Variants in GRIA1 observed in about 807,000 individuals in gnomAD.
The protein encoded by GRIA1 is glutamate receptor 1.
In GRIA1, 31 loss-of-function variants were observed where a neutral mutation model predicts 99.2. The ratio of observed to expected loss-of-function variants is 0.31; its 90% CI spans 0.23 to 0.42. The LOEUF is 0.42. GRIA1 is among the 10% of genes least tolerant of loss of function. GRIA1 has a pLI of 1.00. For synonymous variants in GRIA1, 438 were observed against 432.4 expected (o/e 1.01, Z -0.16); for missense variants, 782 against 1,157.5 (o/e 0.68, Z 4.71).
intron 2 of GRIA1, among the ~76,000 whole-genome samples, chr5:153,533,798 C>T (rs1230928042): frequency 2.0e-5 from 3 of 152,152 alleles, no homozygotes; most frequent in South Asian, 2.1e-4. Flanking sequence ...ATATGAGTGC[C>T]GAGCATTCTT....
At chr5:153,613,345 C>G (rs1360967433) in intron 2 of GRIA1, among the ~76,000 whole-genome samples, 1 of 152,002 alleles carries the variant, frequency 6.6e-6, no homozygotes, top group African/African-American at 2.4e-5. Flanking sequence ...ATTTTTTCCC[C>G]TCTCTATCAT....
At chr5:153,494,188 C>A in intron 2 of GRIA1, 123 bp downstream of exon 2, 2 of 1,042,044 alleles carry the variant, frequency 1.9e-6, no homozygotes, top group Non-Finnish European at 2.8e-6. Context: ...TAAGAGAAAG[C>A]CCTCCAAGAA....
At chr5:153,705,662 A>AT (rs70978505) in intron 10 of GRIA1, 35 bp from the exon 11 acceptor site, 18,933 of 751,208 alleles carry the variant, frequency 0.025, 967 homozygotes, top group African/African-American at 0.046. Context: ...GCTCACCTGC[A>AT]TTTTTTTTTT....
chr5:153,791,460 T>C (rs1353950504), intron 13 of GRIA1, among the ~76,000 whole-genome samples: 1 of 151,778 alleles, frequency 6.6e-6, no homozygotes. Flanking sequence ...AAAGTAAAAG[T>C]TTAAAAAGGA....
At chr5:153,766,620 A>G (rs1349040025) in intron 12 of GRIA1, among the ~76,000 whole-genome samples, 2 of 152,192 alleles carry the variant, frequency 1.3e-5, no homozygotes, top group Non-Finnish European at 1.5e-5. Flanking sequence ...TCTTGTTCCA[A>G]TCCAAGTATT....
intron 11 of GRIA1, among the ~76,000 whole-genome samples, chr5:153,719,414 G>A (rs892996709): frequency 6.6e-5 from 10 of 151,966 alleles, no homozygotes; most frequent in Admixed American, 2.6e-4. Context: ...TGGAGCCTTC[G>A]ATGGAAAATC....
At chr5:153,548,014 G>T (rs1021706022) in intron 2 of GRIA1, among the ~76,000 whole-genome samples, 36 of 152,032 alleles carry the variant, frequency 2.4e-4, no homozygotes, top group African/African-American at 8.7e-4. Context: ...TTGTCTTTTG[G>T]TAAATGAACC....
chr5:153,550,726 T>C (rs1760059360), intron 2 of GRIA1, among the ~76,000 whole-genome samples: 1 of 152,176 alleles, frequency 6.6e-6, no homozygotes, highest in Admixed American at 6.5e-5. Flanking sequence ...AATCCTAACC[T>C]GTCTATCTTA....
chr5:153,760,420 A>G (rs1411257920), intron 11 of GRIA1, among the ~76,000 whole-genome samples: 1 of 152,078 alleles, frequency 6.6e-6, no homozygotes, highest in African/African-American at 2.4e-5. Context: ...CAAGAAAGCA[A>G]TTCCATTTAC....
intron 2 of GRIA1, among the ~76,000 whole-genome samples, chr5:153,546,639 G>A (rs1759640102): frequency 6.6e-6 from 1 of 152,144 alleles, no homozygotes; most frequent in Non-Finnish European, 1.5e-5. Context: ...AGTCAGGTTT[G>A]ATAATTGGCC....
intron 5 of GRIA1, among the ~76,000 whole-genome samples, chr5:153,670,274 C>T (rs1756060640): frequency 6.6e-6 from 1 of 152,160 alleles, no homozygotes; most frequent in African/African-American, 2.4e-5. Context: ...GGAACTCACT[C>T]ATCACCAAGC....
At chr5:153,802,270 A>C in intron 14 of GRIA1, 86 bp from the exon 15 acceptor site, 1 of 1,221,732 alleles carries the variant, frequency 8.2e-7, no homozygotes, top group East Asian at 2.4e-5. Context: ...GTATGTGTGA[A>C]AATATGCTGC....
intron 2 of GRIA1, among the ~76,000 whole-genome samples, chr5:153,584,863 T>C (rs968670303): frequency 2.6e-5 from 4 of 152,186 alleles, no homozygotes; most frequent in Non-Finnish European, 4.4e-5. Context: ...CTGCAGTCCA[T>C]GATAATACAA....
chr5:153,525,619 C>CA (rs1046695828), intron 2 of GRIA1: 3 of 152,028 alleles, frequency 2.0e-5, no homozygotes, highest in African/African-American at 7.2e-5. Context: ...ATGGGCTACT[C>CA]AGAGTGTTCC....
chr5:153,611,567 G>T (rs1248102106), intron 2 of GRIA1, among the ~76,000 whole-genome samples: 1 of 152,160 alleles, frequency 6.6e-6, no homozygotes, highest in African/African-American at 2.4e-5. Flanking sequence ...TTTGTTTTGA[G>T]GCAGAGGTGG....
At chr5:153,585,299 C>CTTTTT (rs10586598) in intron 2 of GRIA1, among the ~76,000 whole-genome samples, 6 of 70,100 alleles carry the variant, frequency 8.6e-5, no homozygotes, top group African/African-American at 1.3e-4. Context: ...TTCTCTCTCT[C>CTTTTT]TTTTTTTTTT....
intron 13 of GRIA1, among the ~76,000 whole-genome samples, chr5:153,773,781 A>C (rs949141601): frequency 6.6e-6 from 1 of 152,170 alleles, no homozygotes; most frequent in African/African-American, 2.4e-5. Flanking sequence ...TGATGGTCAT[A>C]TGCTCCTGTC....
At chr5:153,562,868 C>A (rs1761258836) in intron 2 of GRIA1, among the ~76,000 whole-genome samples, 1 of 152,142 alleles carries the variant, frequency 6.6e-6, no homozygotes, top group Non-Finnish European at 1.5e-5. Context: ...AAAGTATATA[C>A]AATTTAATGA....
At chr5:153,572,922 C>G (rs1010940274) in intron 2 of GRIA1, among the ~76,000 whole-genome samples, 9 of 152,230 alleles carry the variant, frequency 5.9e-5, no homozygotes, top group Non-Finnish European at 1.3e-4. Flanking sequence ...TGCATCTCTG[C>G]TATTCTCCTG....
Sources: gnomAD v4.1 joint callset for allele counts (sites outside exome capture counted in the v4.1 genomes callset) on GRCh38, gnomAD v4.1.1 for gene constraint, MANE v1.5 for transcripts, NCBI Gene and HGNC (gene_info 2026-07-23, HGNC 2026-07-21) for gene names.